Variants in CDH4 observed in about 807,000 individuals in gnomAD.
The protein encoded by CDH4 is cadherin 4.
Under a neutral mutation model 86.0 loss-of-function variants are expected in CDH4, and 33 were observed. The ratio of observed to expected loss-of-function variants is 0.38; its 90% confidence interval spans 0.29 to 0.51. The LOEUF (loss-of-function observed/expected upper bound fraction) is 0.51, where lower values mean the gene tolerates loss of function less well. Ranked by LOEUF, CDH4 falls within the 20% of genes least tolerant of loss-of-function variation. The pLI is 0.86. For missense variants in CDH4, 1,114 were observed against 1,307.4 expected, an observed-to-expected ratio of 0.85 and a Z score of 2.28; for synonymous variants, 555 against 549.4, an observed-to-expected ratio of 1.01 and a Z score of -0.14.
At chr20:61,394,866 T>C (rs1001655158) in intron 2 of CDH4, among the ~76,000 whole-genome samples, 1 of 137,792 alleles carries the variant, frequency 7.3e-6, no homozygotes, top group African/African-American at 2.7e-5. Flanking sequence ...TCCATGGCCA[T>C]GGGGCTGTGA....
intron 2 of CDH4, among the ~76,000 whole-genome samples, chr20:61,335,290 CATT>C (rs1188399157): frequency 6.6e-6 from 1 of 152,168 alleles, no homozygotes; most frequent in Admixed American, 6.5e-5. Context: ...GATCGAAGGT[CATT>C]ATATTCATGT....
chr20:61,801,324 G>A (rs948191919), intron 4 of CDH4, among the ~76,000 whole-genome samples: 13 of 152,242 alleles, frequency 8.5e-5, no homozygotes, highest in African/African-American at 1.2e-4. Flanking sequence ...TCAGCCAAGC[G>A]TCTCTCTAGG....
At chr20:61,789,059 C>A (rs994789892) in intron 4 of CDH4, among the ~76,000 whole-genome samples, 3 of 152,128 alleles carry the variant, frequency 2.0e-5, no homozygotes, top group Non-Finnish European at 4.4e-5. Flanking sequence ...TTGTTTTGCT[C>A]GGGCAGAAAG....
At chr20:61,595,017 G>T (rs2086545256) in intron 2 of CDH4, among the ~76,000 whole-genome samples, 1 of 152,176 alleles carries the variant, frequency 6.6e-6, no homozygotes, top group African/African-American at 2.4e-5. Context: ...GTGACCGTGG[G>T]CTCCATCCGG....
chr20:61,788,568 G>A (rs973266562), intron 4 of CDH4, among the ~76,000 whole-genome samples: 1 of 152,348 alleles, frequency 6.6e-6, no homozygotes, highest in African/African-American at 2.4e-5. Context: ...GAGACAGCCT[G>A]TGTGCCATCA....
At chr20:61,765,485 G>A (rs751990594) in intron 3 of CDH4, among the ~76,000 whole-genome samples, 2 of 152,188 alleles carry the variant, frequency 1.3e-5, no homozygotes, top group Non-Finnish European at 2.9e-5. Context: ...CACAGTTGTG[G>A]GGCTCACAGA....
intron 2 of CDH4, among the ~76,000 whole-genome samples, chr20:61,334,218 A>G (rs2084604231): frequency 6.6e-6 from 1 of 152,232 alleles, no homozygotes; most frequent in Admixed American, 6.5e-5. Flanking sequence ...TGTCTCTGTC[A>G]TTATAAAACC....
intron 4 of CDH4, among the ~76,000 whole-genome samples, chr20:61,819,524 G>A (rs774290738): frequency 1.3e-5 from 2 of 152,346 alleles, no homozygotes; most frequent in African/African-American, 2.4e-5. Context: ...TTACAAAGGC[G>A]GCCGGGCTGC....
intron 2 of CDH4, among the ~76,000 whole-genome samples, chr20:61,476,506 G>A (rs902471894): frequency 6.6e-6 from 1 of 152,180 alleles, no homozygotes; most frequent in African/African-American, 2.4e-5. Context: ...ACAGTGCTAT[G>A]GGGTAGGTTG....
At chr20:61,319,071 G>A (rs2084493781) in intron 2 of CDH4, among the ~76,000 whole-genome samples, 4 of 152,212 alleles carry the variant, frequency 2.6e-5, no homozygotes, top group South Asian at 4.1e-4. Flanking sequence ...TGACAGCACT[G>A]AGCGCTTGCC....
rs576087660 is a variant in CDH4 at position 61,933,631 on chromosome 20, C to T, written c.2380-425C>T. ...TGCCCCTCCCACAACACGACCATAACGAACGTGAGGCATGTGCCTTGCGGA... is the reference window on the plus strand; with the variant it reads ...TGCCCCTCCCACAACACGACCATAATGAACGTGAGGCATGTGCCTTGCGGA... On this transcript the variant is annotated intron_variant, in intron 14 of 15. Coordinates refer to ENST00000614565, the MANE Select transcript of CDH4 (RefSeq NM_001794.5). 3.3e-4 allele frequency among the ~76,000 whole-genome samples: 50 copies of T among 152,122 alleles called. No individual in the cohort carries two copies. The East Asian group carries it at 8.5e-3, about 26-fold the overall frequency.
At chr20:61,254,085 C>T (rs998392875) in intron 1 of CDH4, among the ~76,000 whole-genome samples, 2 of 152,230 alleles carry the variant, frequency 1.3e-5, no homozygotes, top group Non-Finnish European at 2.9e-5. Context: ...CTCTAGACTT[C>T]CCCACTGAGC....
chr20:61,381,947 G>GCA (rs2084904182), intron 2 of CDH4, among the ~76,000 whole-genome samples: 1 of 87,160 alleles, frequency 1.1e-5, no homozygotes, highest in Non-Finnish European at 2.4e-5. Flanking sequence ...ATGGTGGCAG[G>GCA]CACCTGTAAT....
In CDH4 at chr20:61,712,104, C is replaced by G. The variant is rs145761317; in HGVS notation, c.170-31459C>G. ...TCAGCCAGACATGGTGGTGCAGGGA[C>G]GGAGGGTCTTCCACGTGGATGATGG... On this transcript the variant is annotated intron_variant, in intron 2 of 15. Coordinates refer to ENST00000614565, the MANE Select transcript of CDH4 (RefSeq NM_001794.5). 9.2e-4 allele frequency among the ~76,000 whole-genome samples: 140 copies of G among 152,162 alleles called. 1 individual carries two copies. The South Asian group carries it at 0.012, about 14-fold the overall frequency.
chr20:61,774,447 C>T (rs1330712854), intron 4 of CDH4, among the ~76,000 whole-genome samples: 2 of 152,200 alleles, frequency 1.3e-5, no homozygotes, highest in Admixed American at 6.5e-5. Flanking sequence ...TCCTTGGGGC[C>T]GGGATTTCTT....
At chr20:61,311,899 C>T (rs970617567) in intron 2 of CDH4, among the ~76,000 whole-genome samples, 6 of 152,272 alleles carry the variant, frequency 3.9e-5, no homozygotes, top group Non-Finnish European at 5.9e-5. Flanking sequence ...CCTGCGGAGC[C>T]GGCTGCATCC....
At chr20:61,291,389 C>T (rs1427528315) in intron 2 of CDH4, among the ~76,000 whole-genome samples, 1 of 152,228 alleles carries the variant, frequency 6.6e-6, no homozygotes, top group Non-Finnish European at 1.5e-5. Flanking sequence ...AAGACAGTAC[C>T]GTGGTGTGTG....
intron 2 of CDH4, among the ~76,000 whole-genome samples, chr20:61,256,619 G>A (rs1013177935): frequency 6.6e-6 from 1 of 152,192 alleles, no homozygotes; most frequent in Non-Finnish European, 1.5e-5. Context: ...CTCGTGGGGG[G>A]CCAAGAGTCA....
intron 2 of CDH4, among the ~76,000 whole-genome samples, chr20:61,287,476 A>T (rs1336849813): frequency 1.3e-5 from 2 of 152,102 alleles, no homozygotes; most frequent in Admixed American, 1.3e-4. Context: ...CCCTGTCTCA[A>T]GAAGAAGAAA....
Sources: allele counts gnomAD v4.1 joint callset (sites outside exome capture counted in the v4.1 genomes callset), GRCh38; gene constraint gnomAD v4.1.1; transcripts MANE v1.5; gene names NCBI Gene and HGNC (gene_info 2026-07-23, HGNC 2026-07-21).